COL23A1: variants seen among roughly 807,000 people sequenced by gnomAD.
The protein encoded by COL23A1 is collagen alpha-1(XXIII) chain.
Under a neutral mutation model 99.3 loss-of-function variants are expected in COL23A1, and 97 were observed. The observed-to-expected ratio is 0.98, with a 90% CI of 0.83 to 1.16. The LOEUF (loss-of-function observed/expected upper bound fraction) is 1.16. Ranked by LOEUF, COL23A1 falls within the 50% of genes most tolerant of loss-of-function variation. COL23A1 has a pLI of 0.00. For synonymous variants in COL23A1, 320 were observed against 308.2 expected (o/e 1.04, Z -0.40); for missense variants, 762 against 757.4 (o/e 1.01, Z -0.07).
rs531357272 is a variant in COL23A1, at chr5:178,533,643, G to A, written c.361+27039C>T. On this transcript the variant is annotated intron_variant, in intron 2 of 28. Transcript: ENST00000390654. ...CTCCCGAGTAGCTGGGACTACAGGT[G>A]TGCACCACCACGCCCGGCTAATTTT... Among the ~76,000 whole-genome samples, 3 of 152,146 alleles carry A rather than the reference G, an allele frequency of 2.0e-5. No individual in the cohort carries two copies. The South Asian group carries it at 6.2e-4, about 32-fold the overall frequency.
intron 3 of COL23A1, among the ~76,000 whole-genome samples, chr5:178,303,111 G>T (rs544803964): frequency 1.3e-5 from 2 of 152,254 alleles, no homozygotes; most frequent in Non-Finnish European, 2.9e-5. Flanking sequence ...AGCGATTCTT[G>T]TGCCTCAACC....
At chr5:178,361,435 A>G (rs1762168824) in intron 2 of COL23A1, among the ~76,000 whole-genome samples, 2 of 152,208 alleles carry the variant, frequency 1.3e-5, no homozygotes, top group African/African-American at 2.4e-5. Context: ...GAATGTGGGC[A>G]CATGTGGCCT....
chr5:178,292,463 C>G (rs1043113166), intron 3 of COL23A1, among the ~76,000 whole-genome samples: 4 of 152,198 alleles, frequency 2.6e-5, no homozygotes, highest in Non-Finnish European at 5.9e-5. Context: ...CCGTTCTATT[C>G]CTGCCCTTCC....
At chr5:178,501,152 A>ACAG (rs1199024455) in intron 2 of COL23A1, among the ~76,000 whole-genome samples, 1 of 152,208 alleles carries the variant, frequency 6.6e-6, no homozygotes, top group Non-Finnish European at 1.5e-5. Context: ...TGAAGAGAAG[A>ACAG]CAGGCCAACT....
chr5:178,353,003 C>T (rs981909304), intron 2 of COL23A1, among the ~76,000 whole-genome samples: 3 of 152,220 alleles, frequency 2.0e-5, no homozygotes, highest in Non-Finnish European at 4.4e-5. Context: ...GTACACTCCA[C>T]AATCTCAAAT....
chr5:178,251,974 C>T (rs1227177788), intron 17 of COL23A1, among the ~76,000 whole-genome samples: 5 of 148,114 alleles, frequency 3.4e-5, no homozygotes, highest in South Asian at 2.1e-4. Context: ...AGTTCAGTGG[C>T]GCAATCTTGG....
intron 2 of COL23A1, among the ~76,000 whole-genome samples, chr5:178,408,041 C>T (rs1348306913): frequency 2.6e-5 from 4 of 152,202 alleles, no homozygotes; most frequent in Non-Finnish European, 2.9e-5. Context: ...AGAAATATCA[C>T]AGTCAACTTC....
intron 1 of COL23A1, among the ~76,000 whole-genome samples, chr5:178,568,917 T>C (rs1409085839): frequency 6.6e-6 from 1 of 152,232 alleles, no homozygotes; most frequent in African/African-American, 2.4e-5. Context: ...AGTATCTGTT[T>C]TCAATTCTTT....
intron 2 of COL23A1, among the ~76,000 whole-genome samples, chr5:178,557,805 G>A (rs1350385025): frequency 6.6e-6 from 1 of 152,168 alleles, no homozygotes; most frequent in Non-Finnish European, 1.5e-5. Context: ...CAGGGCCTCT[G>A]TTCTTTGTAA....
At chr5:178,358,832 CAT>C (rs1561899403) in intron 2 of COL23A1, among the ~76,000 whole-genome samples, 3 of 152,030 alleles carry the variant, frequency 2.0e-5, no homozygotes, top group Admixed American at 1.3e-4. Flanking sequence ...AGCCCCCACT[CAT>C]ATAAAATCTG....
chr5:178,376,730 G>A (rs1247401664), intron 2 of COL23A1, among the ~76,000 whole-genome samples: 3 of 152,170 alleles, frequency 2.0e-5, no homozygotes, highest in South Asian at 4.1e-4. Context: ...TGTGTAAGGG[G>A]TGCAAGCTTC....
At chr5:178,249,716 A>ACACACTCTCTCTCT in intron 18 of COL23A1, among the ~76,000 whole-genome samples, 16 of 92,810 alleles carry the variant, frequency 1.7e-4, no homozygotes, top group African/African-American at 6.4e-4. Context: ...ACACACACAC[A>ACACACTCTCTCTCT]CTCTCTCTCT....
intron 2 of COL23A1, among the ~76,000 whole-genome samples, chr5:178,314,375 G>A (rs746021723): frequency 1.4e-4 from 21 of 152,214 alleles, no homozygotes; most frequent in Admixed American, 3.3e-4. Flanking sequence ...CATAGTCTTC[G>A]TCTTCGTCAT....
chr5:178,518,935 C>T (rs1197170204), intron 2 of COL23A1, among the ~76,000 whole-genome samples: 3 of 92,864 alleles, frequency 3.2e-5, no homozygotes, highest in African/African-American at 9.6e-5. Context: ...CGGGCGGCGG[C>T]GGCTGCGGTC....
chr5:178,269,591 A>AATCCATCG (rs1756156662), intron 6 of COL23A1, among the ~76,000 whole-genome samples: 1 of 90,702 alleles, frequency 1.1e-5, no homozygotes, highest in Admixed American at 1.2e-4. Flanking sequence ...CTCATCCATC[A>AATCCATCG]ATCCATCCAT....
intron 2 of COL23A1, among the ~76,000 whole-genome samples, chr5:178,498,237 T>TATATATATAG (rs1758318585): frequency 5.3e-5 from 3 of 56,450 alleles, no homozygotes; most frequent in African/African-American, 3.4e-4. Context: ...TATATATATA[T>TATATATATAG]ATATATATAT....
intron 2 of COL23A1, among the ~76,000 whole-genome samples, chr5:178,523,212 A>T: frequency 8.5e-6 from 1 of 117,846 alleles, no homozygotes; most frequent in South Asian, 2.6e-4. Context: ...AGAGAGAGAG[A>T]GAGAGAGAGA....
At chr5:178,424,736 C>G (rs1262699290) in intron 2 of COL23A1, among the ~76,000 whole-genome samples, 1 of 152,162 alleles carries the variant, frequency 6.6e-6, no homozygotes, top group South Asian at 2.1e-4. Context: ...CTAGCTGGGC[C>G]GCCCTGGCAA....
chr5:178,342,787 GAAA>G (rs369802005), intron 2 of COL23A1, among the ~76,000 whole-genome samples: 1 of 122,194 alleles, frequency 8.2e-6, no homozygotes, highest in Admixed American at 8.0e-5. Context: ...TTCTTGTCAA[GAAA>G]AAAAAAACAA....
Sources: gnomAD v4.1 joint callset for allele counts (sites outside exome capture counted in the v4.1 genomes callset) on GRCh38, gnomAD v4.1.1 for gene constraint, MANE v1.5 for transcripts, NCBI Gene and HGNC (gene_info 2026-07-23, HGNC 2026-07-21) for gene names.